The following SH3BP2 variants were observed in gnomAD, a reference collection of about 807,000 sequenced individuals.
SH3BP2 encodes the protein SH3 domain-binding protein 2.
In SH3BP2, 38 loss-of-function variants were observed where a neutral mutation model predicts 56.2. The ratio of observed to expected loss-of-function variants is 0.68; its 90% CI spans 0.52 to 0.89. SH3BP2 has a LOEUF of 0.89. SH3BP2 is among the 40% of genes least tolerant of loss of function. The pLI is 0.00. For synonymous variants in SH3BP2, 346 were observed against 316.7 expected, an observed-to-expected ratio of 1.09 and a Z score of -0.98; for missense variants, 748 against 762.6, an observed-to-expected ratio of 0.98 and a Z score of 0.23.
Position 2,839,121 on chromosome 4 carries a change from T to C in SH3BP2, c.*5287T>C, listed in dbSNP as rs1725331554. The C allele has an allele frequency of 6.6e-6, 1 of 152,088 alleles. No individual in the cohort carries two copies. The highest frequency in any genetic ancestry group is 1.5e-5 in the Non-Finnish European group (1 of 68,028). The allele number at this position is 152,088 out of a possible 1,614,324, so 9.4% of individuals were successfully genotyped here. A position where few individuals can be genotyped will look rare whatever the true frequency, so the allele number is the denominator to read the frequency against. ...CATTTTGATTTTGTCTCCTGTGAAG[T>C]GTCTATCATCTTTTGCCCATTTTTT... On this transcript the variant is annotated 3_prime_UTR_variant, in exon 13 of 13. Transcript: ENST00000503393.
intron 1 of SH3BP2, among the ~76,000 whole-genome samples, chr4:2,800,417 C>T (rs1461085408): frequency 1.3e-5 from 2 of 152,202 alleles, no homozygotes; most frequent in Admixed American, 1.3e-4. Context: ...GCTGCCCGAG[C>T]CTGCCCCGTG....
intron 1 of SH3BP2, among the ~76,000 whole-genome samples, chr4:2,819,541 A>G (rs1724188088): frequency 6.6e-6 from 1 of 152,184 alleles, no homozygotes; most frequent in Non-Finnish European, 1.5e-5. Context: ...CTAAGGGCTT[A>G]ACAGGACACT....
At chr4:2,816,050 A>T (rs1033672005) in intron 1 of SH3BP2, among the ~76,000 whole-genome samples, 1 of 151,900 alleles carries the variant, frequency 6.6e-6, no homozygotes, top group Admixed American at 6.6e-5. Context: ...CTGCTCATTT[A>T]TTCTAATAAT....
intron 1 of SH3BP2, among the ~76,000 whole-genome samples, chr4:2,806,450 A>T (rs952368874): frequency 2.0e-5 from 3 of 151,548 alleles, no homozygotes; most frequent in African/African-American, 4.9e-5. Flanking sequence ...AAAGGTAGAA[A>T]CTCGTCAGTG....
Position 2,829,997 on chromosome 4 carries a change from A to T in SH3BP2, c.1091A>T (p.Glu364Val), listed in dbSNP as rs1724892729. 6.2e-7 allele frequency: 1 copy of T among 1,613,112 alleles called. No homozygotes were observed. Among genetic ancestry groups the T allele is most frequent in the Middle Eastern group, 1.6e-4 (1 of 6,062 alleles). ...ANKPKFLKIAEEDPPREAAMP... is the reference protein window; with the variant it reads ...ANKPKFLKIAVEDPPREAAMP... ...AAGCCCAAGTTCCTGAAGATAGCTGAAGAGGACCCCCCAAGGGAGGCAGCC... is the reference window on the plus strand; with the variant it reads ...AAGCCCAAGTTCCTGAAGATAGCTGTAGAGGACCCCCCAAGGGAGGCAGCC... The change falls in exon 8 of 13, where the codon GAA becomes GTA. Residue 364 changes from glutamate to valine, a missense_variant. Physicochemically the swap from Glu to Val is moderately radical, Grantham distance 121 (BLOSUM62 -2). Transcript: ENST00000503393. This position sits in a 1 kb window ranked among gnomAD's most constrained non-coding sequence, Gnocchi z 4.9.
chr4:2,812,738 C>CG (rs397956064), intron 1 of SH3BP2, among the ~76,000 whole-genome samples: 1 of 152,026 alleles, frequency 6.6e-6, no homozygotes, highest in Non-Finnish European at 1.5e-5. Context: ...CCCACCCCCC[C>CG]ATCACATGCG....
At chr4:2,832,751 C>T (rs1290984415) in intron 11 of SH3BP2, among the ~76,000 whole-genome samples, 1 of 152,200 alleles carries the variant, frequency 6.6e-6, no homozygotes, top group African/African-American at 2.4e-5. Context: ...GCCATGCTCT[C>T]CCGGGTGTGT....
rs1422930883 is a variant in SH3BP2, at chr4:2,810,115, G to A, written c.-4-10499G>A. Among the ~76,000 whole-genome samples, 2 of 152,178 alleles carry A rather than the reference G, an allele frequency of 1.3e-5. No homozygotes were observed. Among genetic ancestry groups the A allele is most frequent in the Non-Finnish European group, 2.9e-5 (2 of 68,024 alleles). ...AATATGAACGGCAGTGTCATATGCC[G>A]CAGGGATGAAGAGGAATTGAGAGAG... On this transcript the variant is annotated intron_variant, in intron 1 of 12. Coordinates refer to ENST00000503393, the MANE Select transcript of SH3BP2 (RefSeq NM_001122681.2). The surrounding 1 kb of genome is among the most constrained non-coding windows in gnomAD (Gnocchi z 4.2).
chr4:2,830,118 G>C lies in SH3BP2; in HGVS notation c.1212G>C (p.Arg404Ser), dbSNP rs773708426. The C allele has an allele frequency of 6.2e-7, 1 of 1,603,566 alleles. No individual in the cohort carries two copies. The highest frequency in any genetic ancestry group is 2.2e-5 in the East Asian group (1 of 44,864). ...TGGCGCGGCCCGCAGTCCTGCCCAG[G>C]CCAGAGAAGCCGCAGCTCCCGCACC... The part of the protein sequence containing the change: ...EAMARPAVLP[R>S]PEKPQLPHLQ... The change falls in exon 8 of 13, where the codon AGG (arginine) becomes AGC (serine). Residue 404 changes from arginine to serine, a missense_variant. Arg to Ser is a moderately radical substitution (Grantham distance 110). Around this residue, in one of 3 missense-constraint regions of SH3BP2, gnomAD observed 635 missense variants for 615.0 expected, o/e 1.03. Coordinates refer to ENST00000503393, the MANE Select transcript of SH3BP2 (RefSeq NM_001122681.2).
intron 2 of SH3BP2, among the ~76,000 whole-genome samples, chr4:2,821,346 G>C (rs1046529984): frequency 1.2e-4 from 19 of 152,352 alleles, no homozygotes; most frequent in Middle Eastern, 3.4e-3. Context: ...GAGATGTCCA[G>C]GCTGGACTGA....
rs186772662 is a variant in SH3BP2 at position 2,812,654 on chromosome 4, G to A, written c.-4-7960G>A. Reference sequence around the variant, plus strand: ...ACAGGCTCTGAGGAGAGTGGCCTCTGTCTGCCTTGAGAGGCCCCCGAGCTG... The same window carrying A: ...ACAGGCTCTGAGGAGAGTGGCCTCTATCTGCCTTGAGAGGCCCCCGAGCTG... On this transcript the variant is annotated intron_variant, in intron 1 of 12. Transcript: ENST00000503393. Among the ~76,000 whole-genome samples, 394 of 152,346 alleles carry A rather than the reference G, an allele frequency of 2.6e-3. 1 individual carries two copies. The highest frequency in any genetic ancestry group is 0.013 in the South Asian group (64 of 4,832).
intron 10 of SH3BP2, 89 bp downstream of exon 10, chr4:2,832,067 G>A: frequency 7.2e-7 from 1 of 1,390,434 alleles, no homozygotes; most frequent in Non-Finnish European, 1.0e-6. Context: ...GTGTTGGGGA[G>A]TTGCTGGCAC....
Position 2,827,273 on chromosome 4 carries a change from CG to C in SH3BP2, c.474del (p.Pro159LeufsTer40). ...DTDSFYGAVE[R>X]PVDISLSPYP... ...AGACAGCTTCTACGGCGCAGTTGAG[CG>C]GCCTGTGGATATCAGCCTTTCCCCG... On this transcript the variant is annotated frameshift_variant, in exon 6 of 13. Coordinates refer to ENST00000503393, the MANE Select transcript of SH3BP2 (RefSeq NM_001122681.2). LOFTEE classifies it high-confidence loss of function. 6.2e-7 allele frequency: 1 copy of C among 1,614,198 alleles called. No individual in the cohort carries two copies. The highest frequency in any genetic ancestry group is 8.5e-7 in the Non-Finnish European group (1 of 1,180,028).
At chr4:2,796,509 C>T in intron 1 of SH3BP2, 2 of 960,218 alleles carry the variant, frequency 2.1e-6, no homozygotes, top group Non-Finnish European at 2.5e-6. Context: ...CCGGTCACAT[C>T]TGGTCCATCT....
At chr4:2,801,614 C>T (rs957554285) in intron 1 of SH3BP2, among the ~76,000 whole-genome samples, 1 of 152,178 alleles carries the variant, frequency 6.6e-6, no homozygotes, top group Non-Finnish European at 1.5e-5. Context: ...CTTGAGCCCA[C>T]CTGTGCTGGC....
chr4:2,821,911 A>G (rs892908766), intron 2 of SH3BP2, among the ~76,000 whole-genome samples: 2 of 152,044 alleles, frequency 1.3e-5, no homozygotes, highest in African/African-American at 2.4e-5. Context: ...TCTGTTGCCC[A>G]GGCTGGAGTG....
intron 2 of SH3BP2, among the ~76,000 whole-genome samples, chr4:2,821,160 G>C (rs1293410365): frequency 6.6e-6 from 1 of 152,186 alleles, no homozygotes; most frequent in Non-Finnish European, 1.5e-5. Flanking sequence ...ACAAGACCCA[G>C]GCTCTGGCCC....
intron 8 of SH3BP2, 88 bp downstream of exon 8, chr4:2,830,235 C>G: frequency 7.6e-7 from 1 of 1,309,460 alleles, no homozygotes; most frequent in Non-Finnish European, 1.0e-6. Context: ...ACCTCGCTCC[C>G]CTGGCACTCT....
intron 1 of SH3BP2, among the ~76,000 whole-genome samples, chr4:2,814,539 C>G (rs1723909227): frequency 6.6e-6 from 1 of 152,214 alleles, no homozygotes; most frequent in Non-Finnish European, 1.5e-5. Flanking sequence ...AGTGTACAGG[C>G]TCAAATGCAA....
Sources: allele counts gnomAD v4.1 joint callset (sites outside exome capture counted in the v4.1 genomes callset), GRCh38; gene constraint gnomAD v4.1.1; regional missense constraint gnomAD v4.1.1; non-coding constraint Gnocchi (gnomAD v3.1); transcripts MANE v1.5; gene names NCBI Gene and HGNC (gene_info 2026-07-23, HGNC 2026-07-21).